PCDH11X: variants seen among roughly 807,000 people sequenced by gnomAD.
The protein encoded by PCDH11X is protocadherin 11 X-linked.
A neutral mutation model predicts 53.3 loss-of-function variants in PCDH11X; 18 were observed. The ratio of observed to expected loss-of-function variants is 0.34; its 90% CI spans 0.23 to 0.50. PCDH11X has a LOEUF of 0.50. PCDH11X is among the 20% of genes least tolerant of loss of function. PCDH11X has a pLI of 0.98. For synonymous variants in PCDH11X, 279 were observed against 393.3 expected (o/e 0.71, Z 3.44); for missense variants, 570 against 1,032.4 (o/e 0.55, Z 6.14).
At chrX:92,377,432 G>A (rs907991099) in intron 8 of PCDH11X, among the ~76,000 whole-genome samples, 1 of 110,913 alleles carries the variant, frequency 9.0e-6, no homozygotes, top group African/African-American at 3.3e-5. Context: ...GATCCAACTT[G>A]TCTTCATTGT....
chrX:92,580,114 C>T (rs1371049331), intron 10 of PCDH11X, among the ~76,000 whole-genome samples: 2 of 103,309 alleles, frequency 1.9e-5, no homozygotes, highest in East Asian at 5.7e-4. Context: ...CTGCTCCTTC[C>T]TCTGGGAGCT....
chrX:91,935,690 G>A (rs1395013244), intron 6 of PCDH11X, among the ~76,000 whole-genome samples: 2 of 110,380 alleles, frequency 1.8e-5, no homozygotes, highest in Non-Finnish European at 3.8e-5. Context: ...GACTCAGGAG[G>A]TCCTGATGCC....
At chrX:92,475,610 C>G (rs934704366) in intron 10 of PCDH11X, among the ~76,000 whole-genome samples, 5 of 111,693 alleles carry the variant, frequency 4.5e-5, no homozygotes, top group Non-Finnish European at 9.4e-5. Context: ...ATAATCCTTT[C>G]TTTATTTTTG....
rs769771574 is a variant in PCDH11X at position 91,970,930 on chromosome X, C to G, written c.3033+91657C>G. 3.6e-5 allele frequency among the ~76,000 whole-genome samples: 4 copies of G among 111,392 alleles called. No individual in the cohort carries two copies. The South Asian group carries it at 1.5e-3, about 42-fold the overall frequency. ...TTCAATGAGCTATAAAGACAAAATG[C>G]AAATGAAATTGAAAGGCATTGTCAA... On this transcript the variant is annotated intron_variant, in intron 6 of 10. Coordinates refer to ENST00000682573, the MANE Select transcript of PCDH11X (RefSeq NM_032968.5).
intron 10 of PCDH11X, among the ~76,000 whole-genome samples, chrX:92,478,025 T>TC (rs1182133324): frequency 1.8e-5 from 2 of 109,697 alleles, no homozygotes. Context: ...AGGAGCAGTT[T>TC]CCCCCATGTT....
intron 7 of PCDH11X, among the ~76,000 whole-genome samples, chrX:92,251,294 T>C (rs1179077558): frequency 1.8e-5 from 2 of 111,052 alleles, no homozygotes; most frequent in East Asian, 5.6e-4. Context: ...GCTCCAATTA[T>C]GTATAATTAT....
chrX:92,099,956 C>G (rs2064209117), intron 6 of PCDH11X, among the ~76,000 whole-genome samples: 1 of 110,819 alleles, frequency 9.0e-6, no homozygotes, highest in Admixed American at 9.7e-5. Flanking sequence ...TGGCTGCACT[C>G]CATATATTAA....
intron 1 of PCDH11X, among the ~76,000 whole-genome samples, chrX:91,804,176 T>C (rs1020405390): frequency 8.9e-6 from 1 of 112,069 alleles, no homozygotes; most frequent in African/African-American, 3.2e-5. Context: ...AAATTAAACA[T>C]TTTAAAAAAT....
At chrX:92,407,832 C>A (rs1026828402) in intron 9 of PCDH11X, among the ~76,000 whole-genome samples, 7 of 111,277 alleles carry the variant, frequency 6.3e-5, no homozygotes, top group Admixed American at 1.9e-4. Context: ...TACTCTTCCC[C>A]TACACTTTTG....
intron 7 of PCDH11X, among the ~76,000 whole-genome samples, chrX:92,233,005 G>A (rs774176797): frequency 1.8e-4 from 20 of 111,505 alleles, no homozygotes; most frequent in Non-Finnish European, 2.6e-4. Context: ...GTGAGCCACC[G>A]CGCCCGGCCT....
intron 9 of PCDH11X, among the ~76,000 whole-genome samples, chrX:92,463,256 C>A (rs1221614934): frequency 9.0e-6 from 1 of 111,486 alleles, no homozygotes. Flanking sequence ...GATTTTATTT[C>A]TTAAAATATG....
intron 10 of PCDH11X, among the ~76,000 whole-genome samples, chrX:92,489,631 T>C (rs2073717528): frequency 1.8e-5 from 2 of 108,265 alleles, no homozygotes; most frequent in African/African-American, 6.7e-5. Flanking sequence ...ATATATCTCT[T>C]CTTTCTCACT....
chrX:91,806,120 T>G (rs1936096727), intron 1 of PCDH11X, among the ~76,000 whole-genome samples: 1 of 113,633 alleles, frequency 8.8e-6, no homozygotes, highest in Admixed American at 9.4e-5. Flanking sequence ...TTGATCTATT[T>G]ATAATGAATA....
At chrX:92,241,855 T>C (rs2067267085) in intron 7 of PCDH11X, among the ~76,000 whole-genome samples, 1 of 111,958 alleles carries the variant, frequency 8.9e-6, no homozygotes, top group African/African-American at 3.2e-5. Flanking sequence ...ACCTGTTGTC[T>C]AAGATCTTGC....
intron 7 of PCDH11X, among the ~76,000 whole-genome samples, chrX:92,242,643 G>C (rs920374222): frequency 2.7e-5 from 3 of 111,486 alleles, no homozygotes; most frequent in Non-Finnish European, 5.6e-5. Flanking sequence ...ATGTCCAAAG[G>C]TGTAATTGCT....
At chrX:91,863,686 T>C (rs781282534) in intron 5 of PCDH11X, among the ~76,000 whole-genome samples, 11 of 111,757 alleles carry the variant, frequency 9.8e-5, no homozygotes, top group African/African-American at 2.9e-4. Context: ...CTTTCTGTCC[T>C]TCCTGTCTTC....
At chrX:92,569,376 T>TA (rs1921911855) in intron 10 of PCDH11X, among the ~76,000 whole-genome samples, 1 of 109,660 alleles carries the variant, frequency 9.1e-6, no homozygotes, top group African/African-American at 3.3e-5. Flanking sequence ...ATGTGGCTTT[T>TA]AAAAAAATGT....
At chrX:92,161,038 A>C (rs2065634082) in intron 6 of PCDH11X, among the ~76,000 whole-genome samples, 1 of 109,571 alleles carries the variant, frequency 9.1e-6, no homozygotes, top group African/African-American at 3.3e-5. Flanking sequence ...ATTTCTTGTT[A>C]ATTTGAGTTC....
intron 8 of PCDH11X, among the ~76,000 whole-genome samples, chrX:92,300,284 A>C (rs2068694011): frequency 9.0e-6 from 1 of 110,959 alleles, no homozygotes; most frequent in Admixed American, 9.6e-5. Flanking sequence ...ATGTACCTAC[A>C]AAAATTAAAA....
Sources: allele counts gnomAD v4.1 joint callset (sites outside exome capture counted in the v4.1 genomes callset), GRCh38; gene constraint gnomAD v4.1.1; transcripts MANE v1.5; gene names NCBI Gene and HGNC (gene_info 2026-07-23, HGNC 2026-07-21).